The following CFTR variants were observed in gnomAD, a reference collection of about 807,000 sequenced individuals.
The protein encoded by CFTR is CF transmembrane conductance regulator.
CFTR carries 181 observed loss-of-function variants against 171.6 expected under a neutral mutation model. The observed-to-expected ratio is 1.05, with a 90% CI of 0.93 to 1.19. CFTR has a LOEUF of 1.19. Ranked by LOEUF, CFTR falls within the 50% of genes most tolerant of loss-of-function variation. CFTR has a pLI of 0.00. For missense variants in CFTR, 1,968 were observed against 1,734.7 expected, an observed-to-expected ratio of 1.13 and a Z score of -2.39; for synonymous variants, 583 against 608.0, an observed-to-expected ratio of 0.96 and a Z score of 0.60.
intron 3 of CFTR, among the ~76,000 whole-genome samples, chr7:117,529,776 A>G (rs1016868165): frequency 6.6e-6 from 1 of 151,896 alleles, no homozygotes; most frequent in African/African-American, 2.4e-5. Flanking sequence ...ATGGACAAAA[A>G]CCCCTCAAAT....
rs57950576 is a variant in CFTR, at chr7:117,660,666, A to ATGTG, written c.3964-4002_3964-3999dup. Among the ~76,000 whole-genome samples the ATGTG allele has an allele frequency of 3.7e-3, 546 of 149,212 alleles. 4 individuals carry two copies. Among genetic ancestry groups the ATGTG allele is most frequent in the Middle Eastern group, 0.014 (4 of 288 alleles). On this transcript the variant is annotated intron_variant, in intron 24 of 26. Transcript: ENST00000003084. ...AAGAAAGATTATATTGGGGATATAT[A>ATGTG]TGTGTGTGTGTGTGTGTGTGTGTAT...
At chr7:117,632,397 C>T (rs1562920692) in intron 22 of CFTR, among the ~76,000 whole-genome samples, 1 of 151,688 alleles carries the variant, frequency 6.6e-6, no homozygotes, top group Non-Finnish European at 1.5e-5. Flanking sequence ...AATGCTGTCT[C>T]CACAAAAATC....
rs558272734 is a variant in CFTR at position 117,656,144 on chromosome 7, G to A, written c.3963+3213G>A. On this transcript the variant is annotated intron_variant, in intron 24 of 26. Coordinates refer to ENST00000003084, the MANE Select transcript of CFTR (RefSeq NM_000492.4). ...TGAAACATGAATTAGAAGAGACCTAGGCGACTCCACTATACTGGGATTATT... is the reference window on the plus strand; with the variant it reads ...TGAAACATGAATTAGAAGAGACCTAAGCGACTCCACTATACTGGGATTATT... Among the ~76,000 whole-genome samples the A allele has an allele frequency of 3.3e-5, 5 of 152,142 alleles. No homozygotes were observed. In the East Asian group the frequency reaches 5.8e-4, roughly 18 times the overall value.
chr7:117,610,990 C>T (rs778908588), intron 19 of CFTR, among the ~76,000 whole-genome samples: 2 of 152,110 alleles, frequency 1.3e-5, no homozygotes, highest in Non-Finnish European at 2.9e-5. Context: ...GCTGCTATTA[C>T]TAAAGGTTTC....
intron 17 of CFTR, 87 bp downstream of exon 17, chr7:117,603,869 C>A (rs556922130): frequency 1.4e-6 from 2 of 1,448,008 alleles, no homozygotes; most frequent in Non-Finnish European, 1.9e-6. Context: ...GCAGTGCTGG[C>A]TTTTGCACAG....
intron 10 of CFTR, among the ~76,000 whole-genome samples, chr7:117,555,254 CTT>C (rs1799333242): frequency 6.6e-6 from 1 of 152,110 alleles, no homozygotes; most frequent in African/African-American, 2.4e-5. Flanking sequence ...TTTATCAAAA[CTT>C]AACACACACT....
chr7:117,595,885 CTAAA>C (rs1016438787), intron 15 of CFTR, among the ~76,000 whole-genome samples: 3 of 152,080 alleles, frequency 2.0e-5, no homozygotes, highest in African/African-American at 4.8e-5. Context: ...GACCCTATCT[CTAAA>C]TAAATAAATA....
Position 117,587,612 on chromosome 7 carries a change from G to T in CFTR, c.1585-127G>T, listed in dbSNP as rs566985320. On this transcript the variant is annotated intron_variant, in intron 11 of 26. Transcript: ENST00000003084. ...GCATTTGAAATAATGGAGATGCAAT[G>T]TTCAAAATTTCAACTGTGGTTAAAG... 53 of 630,376 alleles carry T rather than the reference G, an allele frequency of 8.4e-5. No homozygotes were observed. The East Asian group carries it at 1.4e-3, about 17-fold the overall frequency. 39.0% of individuals were successfully genotyped at this position (630,376 alleles called of 1,614,324 possible).
At chr7:117,561,617 G>A (rs2115945406) in intron 11 of CFTR, among the ~76,000 whole-genome samples, 1 of 152,248 alleles carries the variant, frequency 6.6e-6, no homozygotes, top group East Asian at 1.9e-4. Flanking sequence ...AATAAGGTAA[G>A]GAATCATCAT....
chr7:117,512,716 T>C (rs1164116010), intron 3 of CFTR, among the ~76,000 whole-genome samples: 1 of 148,510 alleles, frequency 6.7e-6, no homozygotes, highest in Non-Finnish European at 1.5e-5. Flanking sequence ...CAGTCAAGGA[T>C]AGTTTGAGGG....
rs201267963 is a variant in CFTR at position 117,529,043 on chromosome 7, G to C, written c.274-1856G>C. 6.8e-5 allele frequency among the ~76,000 whole-genome samples: 3 copies of C among 44,006 alleles called. No homozygotes were observed. The African/African-American group carries it at 7.4e-4, about 11-fold the overall frequency. The allele number at this position is 44,006 out of a possible 152,430, so 28.9% of individuals were successfully genotyped here. ...ATATACCCAAAGGACTATAAATCAT[G>C]CTGCTATAAAGACACATGCACACGT... On this transcript the variant is annotated intron_variant, in intron 3 of 26. Transcript: ENST00000003084.
At chr7:117,564,221 TCA>T (rs1265663246) in intron 11 of CFTR, among the ~76,000 whole-genome samples, 1 of 152,210 alleles carries the variant, frequency 6.6e-6, no homozygotes, top group Non-Finnish European at 1.5e-5. Context: ...TTGTTCTGTC[TCA>T]CAGTCTCAGA....
intron 13 of CFTR, 21 bp from the exon 14 acceptor site, chr7:117,591,913 A>G (rs776139512): frequency 6.8e-7 from 1 of 1,464,382 alleles, no homozygotes; most frequent in East Asian, 2.3e-5. Context: ...ATTGATATTT[A>G]TATGTTTTTA....
At chr7:117,508,491 A>C (rs1255719474) in intron 2 of CFTR, among the ~76,000 whole-genome samples, 3 of 152,232 alleles carry the variant, frequency 2.0e-5, no homozygotes, top group Admixed American at 2.0e-4. Context: ...GTTGAAAATG[A>C]AGTTTAATGA....
intron 9 of CFTR, among the ~76,000 whole-genome samples, chr7:117,548,439 T>C (rs1439426933): frequency 6.6e-6 from 1 of 151,584 alleles, no homozygotes; most frequent in South Asian, 2.1e-4. Context: ...TGGGCAAATA[T>C]CTTAGTTTTA....
At chr7:117,506,246 T>G (rs1798414589) in intron 2 of CFTR, among the ~76,000 whole-genome samples, 1 of 152,104 alleles carries the variant, frequency 6.6e-6, no homozygotes, top group South Asian at 2.1e-4. Context: ...TGTTTGTTGT[T>G]GTTGTTGCTG....
intron 22 of CFTR, among the ~76,000 whole-genome samples, chr7:117,633,240 T>C (rs1206700143): frequency 6.6e-6 from 1 of 152,230 alleles, no homozygotes; most frequent in African/African-American, 2.4e-5. Flanking sequence ...TGTTATATTT[T>C]GTTCAAGTAT....
chr7:117,495,405 A>G (rs1445314272), intron 1 of CFTR, among the ~76,000 whole-genome samples: 1 of 152,084 alleles, frequency 6.6e-6, no homozygotes, highest in Non-Finnish European at 1.5e-5. Context: ...TTTTTTTTGT[A>G]GCATTACTTA....
intron 21 of CFTR, among the ~76,000 whole-genome samples, chr7:117,617,463 C>T (rs753119251): frequency 7.2e-5 from 11 of 152,042 alleles, no homozygotes; most frequent in East Asian, 5.8e-4. Context: ...GATTTTCCTA[C>T]GAAATTCCTT....
Sources: gnomAD v4.1 joint callset for allele counts (sites outside exome capture counted in the v4.1 genomes callset) on GRCh38, gnomAD v4.1.1 for gene constraint, MANE v1.5 for transcripts, NCBI Gene and HGNC (gene_info 2026-07-23, HGNC 2026-07-21) for gene names.